Variants in RAP1A observed in about 807,000 individuals in gnomAD.
RAP1A encodes RAP1A, member of RAS oncogene family, also known as ras-related protein Rap-1A.
Under a neutral mutation model 26.4 loss-of-function variants are expected in RAP1A, and 6 were observed. The ratio of observed to expected loss-of-function variants is 0.23; its 90% confidence interval spans 0.12 to 0.45. The LOEUF (loss-of-function observed/expected upper bound fraction) is 0.45. Among genes scored for constraint, RAP1A ranks in the 20% least tolerant of loss-of-function variants. RAP1A has a pLI of 0.99. For missense variants in RAP1A, 121 were observed against 217.2 expected, an observed-to-expected ratio of 0.56 and a Z score of 2.78; for synonymous variants, 73 against 79.4, an observed-to-expected ratio of 0.92 and a Z score of 0.43.
chr1:111,648,382 G>T, intron 1 of RAP1A: 1 of 633,548 alleles, frequency 1.6e-6, no homozygotes, highest in Non-Finnish European at 2.9e-6. Flanking sequence ...GCATGGAGTT[G>T]CTGCTGTCCA....
intron 1 of RAP1A, among the ~76,000 whole-genome samples, chr1:111,598,760 T>C (rs1250620914): frequency 6.6e-6 from 1 of 152,176 alleles, no homozygotes; most frequent in Non-Finnish European, 1.5e-5. Context: ...GGATACCAGC[T>C]GGGCTCCCTC....
At chr1:111,562,879 G>A (rs192012560) in intron 1 of RAP1A, among the ~76,000 whole-genome samples, 3 of 152,324 alleles carry the variant, frequency 2.0e-5, no homozygotes, top group East Asian at 3.9e-4. Flanking sequence ...AATACAAGTA[G>A]ATGCTTAGCC....
At chr1:111,669,921 G>C (rs886110955) in intron 1 of RAP1A, among the ~76,000 whole-genome samples, 4 of 152,158 alleles carry the variant, frequency 2.6e-5, no homozygotes, top group Non-Finnish European at 4.4e-5. Flanking sequence ...CAAAAGCTCT[G>C]CAATTAGGCT....
chr1:111,557,393 A>G (rs1024539215), intron 1 of RAP1A, among the ~76,000 whole-genome samples: 1 of 152,100 alleles, frequency 6.6e-6, no homozygotes, highest in Non-Finnish European at 1.5e-5. Flanking sequence ...CTAAAAATAC[A>G]AAAACAATTA....
chr1:111,640,732 G>T (rs965977888), intron 1 of RAP1A, among the ~76,000 whole-genome samples: 1 of 152,178 alleles, frequency 6.6e-6, no homozygotes, highest in Non-Finnish European at 1.5e-5. Flanking sequence ...GGCCAAGGTA[G>T]GAGGATAGCT....
chr1:111,604,155 T>A (rs1328638494), intron 1 of RAP1A, among the ~76,000 whole-genome samples: 5 of 152,140 alleles, frequency 3.3e-5, no homozygotes, highest in Admixed American at 6.5e-5. Flanking sequence ...CGGTGGTGAC[T>A]CTACCAGCAA....
intron 1 of RAP1A, among the ~76,000 whole-genome samples, chr1:111,639,163 TGTTTA>T (rs1198362039): frequency 2.6e-5 from 4 of 152,228 alleles, no homozygotes; most frequent in Admixed American, 6.5e-5. Context: ...TCTGGTAATG[TGTTTA>T]GTTTAGGTAC....
At chr1:111,561,736 G>A (rs1657746276) in intron 1 of RAP1A, among the ~76,000 whole-genome samples, 2 of 152,132 alleles carry the variant, frequency 1.3e-5, no homozygotes, top group Non-Finnish European at 2.9e-5. Flanking sequence ...TCTCATATGT[G>A]TGTGTATTTG....
chr1:111,706,535 C>A, intron 6 of RAP1A: 1 of 204,194 alleles, frequency 4.9e-6, no homozygotes, highest in Non-Finnish European at 8.7e-6. Flanking sequence ...ATGGCTATGC[C>A]AGAATCACAG....
At chr1:111,673,608 A>G (rs1284383603) in intron 1 of RAP1A, among the ~76,000 whole-genome samples, 1 of 152,190 alleles carries the variant, frequency 6.6e-6, no homozygotes, top group Non-Finnish European at 1.5e-5. Context: ...ACATAGTGTA[A>G]TGTTTATTCC....
At chr1:111,588,545 G>C (rs1391010192) in intron 1 of RAP1A, among the ~76,000 whole-genome samples, 1 of 152,072 alleles carries the variant, frequency 6.6e-6, no homozygotes, top group Non-Finnish European at 1.5e-5. Flanking sequence ...TATTCCATCA[G>C]GTACCTCTAA....
At chr1:111,566,643 A>G (rs1045454238) in intron 1 of RAP1A, among the ~76,000 whole-genome samples, 1 of 152,242 alleles carries the variant, frequency 6.6e-6, no homozygotes, top group African/African-American at 2.4e-5. Context: ...GCTGCCAGGT[A>G]CACTGCTCCA....
intron 1 of RAP1A, among the ~76,000 whole-genome samples, chr1:111,606,161 A>C (rs1361401732): frequency 6.6e-6 from 1 of 152,138 alleles, no homozygotes; most frequent in African/African-American, 2.4e-5. Context: ...ATCATCTTTA[A>C]CCCTGAATTC....
chr1:111,560,700 G>A (rs13375429), intron 1 of RAP1A, among the ~76,000 whole-genome samples: 11,384 of 151,874 alleles, frequency 0.075, 1,215 homozygotes, highest in African/African-American at 0.23. Context: ...CTTTGTTGCC[G>A]GAGCTGGTTT....
intron 1 of RAP1A, among the ~76,000 whole-genome samples, chr1:111,671,525 C>T (rs1413496724): frequency 6.6e-6 from 1 of 151,878 alleles, no homozygotes; most frequent in Non-Finnish European, 1.5e-5. Flanking sequence ...CCCAGGTTGT[C>T]GTGCGGTGGC....
chr1:111,677,526 C>T (rs1338079482), intron 1 of RAP1A, among the ~76,000 whole-genome samples: 1 of 152,086 alleles, frequency 6.6e-6, no homozygotes, highest in Non-Finnish European at 1.5e-5. Flanking sequence ...CATGATATCT[C>T]ACGAGGCTGC....
rs561873712 is a variant in RAP1A, at chr1:111,698,898, C to G, written c.183+1401C>G. On this transcript the variant is annotated intron_variant, in intron 4 of 7. Coordinates refer to ENST00000369709, the MANE Select transcript of RAP1A (RefSeq NM_002884.4). ...TTAGCTTCTGAATCAGCAGAATTCC[C>G]CTTTGTTTCCAGAGACCCTAATAGC... Among the ~76,000 whole-genome samples, 129 of 151,866 alleles carry G rather than the reference C, an allele frequency of 8.5e-4. No homozygotes were observed. The Middle Eastern group carries it at 0.01, about 12-fold the overall frequency.
In RAP1A at chr1:111,545,115, T is replaced by C. The variant is rs113938152; in HGVS notation, c.-28+2606T>C. ...TTTCTTGGGTATATCCAATTTGGTA[T>C]ATACCCAATTTCTTGGGTATATACC... On this transcript the variant is annotated intron_variant, in intron 1 of 7. Transcript: ENST00000356415. Among the ~76,000 whole-genome samples the C allele has an allele frequency of 1.1e-3, 170 of 147,940 alleles. 5 individuals are homozygous for C. Among genetic ancestry groups the C allele is most frequent in the African/African-American group, 3.7e-3 (143 of 39,048 alleles).
intron 1 of RAP1A, among the ~76,000 whole-genome samples, chr1:111,683,545 A>G (rs1661372160): frequency 1.3e-5 from 2 of 152,232 alleles, no homozygotes. Flanking sequence ...CTATGCAAAT[A>G]AACTAGAAAA....
Sources: allele counts gnomAD v4.1 joint callset (sites outside exome capture counted in the v4.1 genomes callset), GRCh38; gene constraint gnomAD v4.1.1; transcripts MANE v1.5; gene names NCBI Gene and HGNC (gene_info 2026-07-23, HGNC 2026-07-21).